Variants in STAU2 observed in about 807,000 individuals in gnomAD.
STAU2 encodes the protein double-stranded RNA-binding protein Staufen homolog 2.
A neutral mutation model predicts 65.9 loss-of-function variants in STAU2; 20 were observed. The observed-to-expected ratio is 0.30, with a 90% CI of 0.21 to 0.44. STAU2 has a LOEUF of 0.44. Ranked by LOEUF, STAU2 falls within the 20% of genes least tolerant of loss-of-function variation. STAU2 has a pLI of 1.00. For synonymous variants in STAU2, 232 were observed against 233.9 expected (o/e 0.99, Z 0.07); for missense variants, 558 against 683.9 (o/e 0.82, Z 2.05).
chr8:73,521,703 C>T (rs1264368614), intron 13 of STAU2, among the ~76,000 whole-genome samples: 2 of 152,188 alleles, frequency 1.3e-5, no homozygotes, highest in African/African-American at 4.8e-5. Flanking sequence ...CTGCACCTTC[C>T]AGTCAGCCAC....
chr8:73,694,803 G>A (rs1024210936), intron 4 of STAU2, among the ~76,000 whole-genome samples: 1 of 152,194 alleles, frequency 6.6e-6, no homozygotes, highest in East Asian at 1.9e-4. Flanking sequence ...TGAGGGAGGA[G>A]AGCACGGCTA....
intron 6 of STAU2, among the ~76,000 whole-genome samples, chr8:73,651,126 C>T (rs909277723): frequency 2.0e-5 from 3 of 152,244 alleles, no homozygotes; most frequent in Non-Finnish European, 4.4e-5. Flanking sequence ...CCAGGCCTGC[C>T]GAGGTCTCCC....
chr8:73,637,496 AAAAAAAAAAGAAAAG>A (rs1470307684), intron 6 of STAU2, among the ~76,000 whole-genome samples: 3 of 142,940 alleles, frequency 2.1e-5, no homozygotes, highest in Non-Finnish European at 3.0e-5. Context: ...AAAAAAAAAA[AAAAAAAAAAGAAAAG>A]AAAAAAAAGA....
At chr8:73,674,843 C>T (rs1413898217) in intron 5 of STAU2, among the ~76,000 whole-genome samples, 1 of 151,666 alleles carries the variant, frequency 6.6e-6, no homozygotes, top group Non-Finnish European at 1.5e-5. Context: ...GAAATCCTAA[C>T]TGAAAATATA....
At chr8:73,655,020 A>C (rs1247345483) in intron 6 of STAU2, among the ~76,000 whole-genome samples, 1 of 152,200 alleles carries the variant, frequency 6.6e-6, no homozygotes, top group Non-Finnish European at 1.5e-5. Context: ...TTGCCTATGC[A>C]TGTGTAAATC....
intron 6 of STAU2, among the ~76,000 whole-genome samples, chr8:73,634,063 T>C (rs1814312916): frequency 6.6e-6 from 1 of 152,142 alleles, no homozygotes; most frequent in Admixed American, 6.6e-5. Context: ...ATATAAATGA[T>C]TTTATGCATA....
intron 13 of STAU2, among the ~76,000 whole-genome samples, chr8:73,523,511 T>C (rs916949704): frequency 2.0e-5 from 3 of 152,156 alleles, no homozygotes; most frequent in African/African-American, 4.8e-5. Context: ...GCAGTCATGT[T>C]TCTACCACCA....
At chr8:73,738,405 G>T in intron 2 of STAU2, 56 bp from the exon 3 acceptor site, 1 of 1,275,100 alleles carries the variant, frequency 7.8e-7, no homozygotes. Flanking sequence ...CTCAATGACT[G>T]GTATTTTAAA....
intron 3 of STAU2, among the ~76,000 whole-genome samples, chr8:73,734,989 C>A (rs1806331524): frequency 6.6e-6 from 1 of 152,112 alleles, no homozygotes; most frequent in Non-Finnish European, 1.5e-5. Flanking sequence ...GGCTGGAGTG[C>A]AGTGGTATGA....
rs73318729 is a variant in STAU2 at position 73,422,670 on chromosome 8, T to C, written c.1563A>G (p.Glu521=). ...CTCCATCGATTGGATCCAGTCCTTG[T>C]TCAGAAAATTGTTTCAAGGCACTTA... ...AALSALKQFS[E]QGLDPIDGAM... Residue 521 remains glutamate, a synonymous_variant, in exon 14 of 15, where the codon GAA becomes GAG. Transcript: ENST00000524300. The C allele has an allele frequency of 0.027, 40,460 of 1,505,416 alleles. 2,001 individuals carry two copies. Among genetic ancestry groups the C allele is most frequent in the African/African-American group, 0.22 (15,317 of 71,130 alleles). 93.3% of individuals were successfully genotyped at this position (1,505,416 alleles called of 1,614,324 possible).
At chr8:73,602,319 G>T (rs757014586) in intron 10 of STAU2, among the ~76,000 whole-genome samples, 3 of 152,126 alleles carry the variant, frequency 2.0e-5, no homozygotes, top group Non-Finnish European at 4.4e-5. Context: ...CTACCACATG[G>T]TCAGCACTTA....
chr8:73,607,376 T>C (rs562354349), intron 9 of STAU2, among the ~76,000 whole-genome samples: 16 of 152,286 alleles, frequency 1.1e-4, no homozygotes, highest in Admixed American at 9.2e-4. Context: ...ACTTACTTAG[T>C]ATGCTTTTTA....
chr8:73,610,610 C>A (rs548466541), intron 9 of STAU2, among the ~76,000 whole-genome samples: 1 of 151,372 alleles, frequency 6.6e-6, no homozygotes, highest in South Asian at 2.1e-4. Context: ...AAATGAACTA[C>A]CAGCACCCTT....
At chr8:73,489,033 AAAG>A (rs1821045586) in intron 13 of STAU2, among the ~76,000 whole-genome samples, 1 of 150,576 alleles carries the variant, frequency 6.6e-6, no homozygotes, top group Admixed American at 6.6e-5. Context: ...GAATAGTTTT[AAAG>A]AAAAGATGGG....
At chr8:73,593,200 C>T (rs1482920560) in intron 11 of STAU2, among the ~76,000 whole-genome samples, 1 of 152,168 alleles carries the variant, frequency 6.6e-6, no homozygotes, top group Admixed American at 6.5e-5. Context: ...CCTGACTGGC[C>T]TTTCTGCCTT....
intron 9 of STAU2, among the ~76,000 whole-genome samples, chr8:73,611,888 G>A (rs1812495021): frequency 6.6e-6 from 1 of 152,104 alleles, no homozygotes; most frequent in African/African-American, 2.4e-5. Flanking sequence ...CGCCATGTTG[G>A]CCATGCTGGT....
chr8:73,450,298 G>A (rs1463059791), intron 13 of STAU2, among the ~76,000 whole-genome samples: 1 of 152,110 alleles, frequency 6.6e-6, no homozygotes, highest in African/African-American at 2.4e-5. Context: ...GTTGTATGTC[G>A]ACATAACTTA....
chr8:73,470,999 T>G (rs547117246), intron 13 of STAU2, among the ~76,000 whole-genome samples: 39 of 152,156 alleles, frequency 2.6e-4, no homozygotes, highest in African/African-American at 7.7e-4. Context: ...GCTTTTTATG[T>G]CTTCTCTTTA....
intron 6 of STAU2, among the ~76,000 whole-genome samples, chr8:73,645,024 A>T (rs1396121695): frequency 6.6e-6 from 1 of 152,140 alleles, no homozygotes; most frequent in Non-Finnish European, 1.5e-5. Context: ...TGTAATGTCT[A>T]CTCTATAAAA....
Sources: gnomAD v4.1 joint callset for allele counts (sites outside exome capture counted in the v4.1 genomes callset) on GRCh38, gnomAD v4.1.1 for gene constraint, MANE v1.5 for transcripts, NCBI Gene and HGNC (gene_info 2026-07-23, HGNC 2026-07-21) for gene names.